Variants in TNS1 observed in about 807,000 individuals in gnomAD.
The protein encoded by TNS1 is tensin-1.
TNS1 carries 62 observed loss-of-function variants against 168.6 expected under a neutral mutation model. The observed-to-expected ratio is 0.37, with a 90% CI of 0.30 to 0.45. The LOEUF is 0.45. Ranked by LOEUF, TNS1 falls within the 20% of genes least tolerant of loss-of-function variation. The pLI is 1.00. For missense variants in TNS1, 2,240 were observed against 2,339.4 expected (o/e 0.96, Z 0.88); for synonymous variants, 934 against 933.2 (o/e 1.00, Z -0.02).
chr2:217,953,100 C>T (rs539496729), intron 3 of TNS1, among the ~76,000 whole-genome samples: 1 of 152,332 alleles, frequency 6.6e-6, no homozygotes, highest in Non-Finnish European at 1.5e-5. Context: ...AAGCAGGAGC[C>T]TCACGTCTGT....
chr2:217,882,266 G>T, intron 17 of TNS1, 80 bp downstream of exon 17: 1 of 1,002,838 alleles, frequency 1.0e-6, no homozygotes, highest in South Asian at 1.4e-5. Context: ...CTGTGGAACA[G>T]ACCAGGGGTG....
Position 217,804,384 on chromosome 2 carries a change from G to C in TNS1, c.*75C>G, listed in dbSNP as rs1559128765. On this transcript the variant is annotated 3_prime_UTR_variant, in exon 33 of 33. Coordinates refer to ENST00000682258, the MANE Select transcript of TNS1 (RefSeq NM_001387777.1). ...CCCAAAGTCCTCCTTCTGGGTTCAA[G>C]AGTGGTCAGGATTCATGGGTCCCCT... The C allele has an allele frequency of 6.3e-7, 1 of 1,578,618 alleles. No homozygotes were observed. The highest frequency in any genetic ancestry group is 8.6e-7 in the Non-Finnish European group (1 of 1,160,466).
At chr2:217,824,740 G>A (rs73074327) in intron 22 of TNS1, among the ~76,000 whole-genome samples, 9 of 152,182 alleles carry the variant, frequency 5.9e-5, no homozygotes, top group African/African-American at 1.7e-4. Context: ...CTCCCCTCCC[G>A]TCTCTTGCCA....
At chr2:217,829,993 A>G in intron 22 of TNS1, 1 of 1,514,710 alleles carries the variant, frequency 6.6e-7, no homozygotes, top group Non-Finnish European at 8.8e-7. Flanking sequence ...ATTAACAGGG[A>G]TTATTTCTTG....
At chr2:217,975,990 C>G (rs1455910314) in intron 3 of TNS1, among the ~76,000 whole-genome samples, 1 of 152,312 alleles carries the variant, frequency 6.6e-6, no homozygotes, top group East Asian at 1.9e-4. Flanking sequence ...ACTCTCCAGC[C>G]CTCTTTCAAG....
At chr2:217,954,361 G>T (rs577731731) in intron 3 of TNS1, among the ~76,000 whole-genome samples, 1 of 152,192 alleles carries the variant, frequency 6.6e-6, no homozygotes, top group Non-Finnish European at 1.5e-5. Context: ...GAGATGCAGC[G>T]CAGCCAGCAT....
At chr2:217,968,298 A>G (rs977090558) in intron 3 of TNS1, among the ~76,000 whole-genome samples, 1 of 152,222 alleles carries the variant, frequency 6.6e-6, no homozygotes, top group Non-Finnish European at 1.5e-5. Flanking sequence ...AGTCAGGACA[A>G]TTAGGCAAAA....
intron 2 of TNS1, among the ~76,000 whole-genome samples, chr2:217,989,265 G>A (rs1055271868): frequency 3.9e-5 from 6 of 152,196 alleles, no homozygotes; most frequent in African/African-American, 1.4e-4. Context: ...AAGGCTTTAA[G>A]CCAGGAGCTG....
chr2:217,818,798 A>T, intron 23 of TNS1, 39 bp from the exon 24 acceptor site: 1 of 1,529,222 alleles, frequency 6.5e-7, no homozygotes, highest in Non-Finnish European at 8.9e-7. Flanking sequence ...AGTGGACAGA[A>T]CTGAATGAAG....
intron 3 of TNS1, among the ~76,000 whole-genome samples, chr2:217,933,839 A>T (rs562735915): frequency 6.6e-6 from 1 of 152,318 alleles, no homozygotes; most frequent in Non-Finnish European, 1.5e-5. Flanking sequence ...GAGCAGGTGC[A>T]CAAACAATAG....
chr2:217,942,635 G>C (rs547854534), intron 3 of TNS1, among the ~76,000 whole-genome samples: 40 of 152,320 alleles, frequency 2.6e-4, no homozygotes, highest in African/African-American at 9.4e-4. Flanking sequence ...GAGGGGAAGA[G>C]AGGGTGCTCC....
intron 18 of TNS1, chr2:217,879,584 T>TA (rs1041665867): frequency 3.0e-5 from 9 of 301,198 alleles, no homozygotes; most frequent in African/African-American, 1.2e-4. Context: ...ATGTTGCACG[T>TA]AAAAAAATGT....
chr2:217,803,112 T>A lies in TNS1; in HGVS notation c.*1347A>T, dbSNP rs1937721559. ...GGCATTGTAGGTAGGCGATGTGGTGTGCAGGCAGCAGGCCCAGGAGCTCTG... is the reference window on the plus strand; with the variant it reads ...GGCATTGTAGGTAGGCGATGTGGTGAGCAGGCAGCAGGCCCAGGAGCTCTG... On this transcript the variant is annotated 3_prime_UTR_variant, in exon 33 of 33. Transcript: ENST00000682258. The A allele has an allele frequency of 6.6e-6, 1 of 152,360 alleles. No individual in the cohort carries two copies. Among genetic ancestry groups the A allele is most frequent in the African/African-American group, 2.4e-5 (1 of 41,474 alleles). 9.4% of individuals were successfully genotyped at this position (152,360 alleles called of 1,614,324 possible). A position where few individuals can be genotyped will look rare whatever the true frequency, so the allele number is the denominator to read the frequency against.
chr2:218,023,328 C>T (rs1246660801), intron 1 of TNS1, among the ~76,000 whole-genome samples: 3 of 152,332 alleles, frequency 2.0e-5, no homozygotes, highest in Admixed American at 6.5e-5. Context: ...TCCTGGGCCT[C>T]AACTTCCCCC....
At chr2:218,019,074 C>T (rs1052107191) in intron 1 of TNS1, among the ~76,000 whole-genome samples, 8 of 150,348 alleles carry the variant, frequency 5.3e-5, no homozygotes, top group Middle Eastern at 3.4e-3. Context: ...AAGATTCCAT[C>T]GCCCAAAAAA....
At chr2:217,924,388 T>C (rs536992743) in intron 3 of TNS1, among the ~76,000 whole-genome samples, 61 of 152,282 alleles carry the variant, frequency 4.0e-4, no homozygotes, top group African/African-American at 1.4e-3. Flanking sequence ...CAGACCTTAT[T>C]ACAATTTGTA....
intron 19 of TNS1, among the ~76,000 whole-genome samples, chr2:217,837,820 G>T (rs1190998349): frequency 6.6e-6 from 1 of 152,200 alleles, no homozygotes. Context: ...ACCCAGCCAG[G>T]GGCTGCCAGG....
intron 3 of TNS1, among the ~76,000 whole-genome samples, chr2:217,929,101 C>A (rs1956182546): frequency 1.3e-5 from 2 of 149,840 alleles, no homozygotes; most frequent in Non-Finnish European, 1.5e-5. Flanking sequence ...TCGGGGGGAC[C>A]AGCAGGCCAA....
At chr2:217,968,208 G>A (rs1957694402) in intron 3 of TNS1, among the ~76,000 whole-genome samples, 1 of 152,140 alleles carries the variant, frequency 6.6e-6, no homozygotes, top group Admixed American at 6.5e-5. Flanking sequence ...GTGAAATATT[G>A]GATAGTTTCC....
Sources: gnomAD v4.1 joint callset for allele counts (sites outside exome capture counted in the v4.1 genomes callset) on GRCh38, gnomAD v4.1.1 for gene constraint, MANE v1.5 for transcripts, NCBI Gene and HGNC (gene_info 2026-07-23, HGNC 2026-07-21) for gene names.